Variants in ARL1 observed in about 807,000 individuals in gnomAD.
ARL1 encodes ARF like GTPase 1.
ARL1 carries 17 observed loss-of-function variants against 30.1 expected under a neutral mutation model. That is an observed-to-expected ratio of 0.56 (90% CI 0.39 to 0.85). The LOEUF is 0.85. Among genes scored for constraint, ARL1 ranks in the 40% least tolerant of loss-of-function variants. The probability of loss-of-function intolerance (pLI) is 0.00; values close to 1 mark genes in which losing one functional copy is unlikely to be tolerated. For missense variants in ARL1, 102 were observed against 212.6 expected, an observed-to-expected ratio of 0.48 and a Z score of 3.24; for synonymous variants, 58 against 71.7, an observed-to-expected ratio of 0.81 and a Z score of 0.97.
intron 2 of ARL1, among the ~76,000 whole-genome samples, chr12:101,405,115 C>T (rs1171029309): frequency 6.6e-6 from 1 of 152,194 alleles, no homozygotes; most frequent in Non-Finnish European, 1.5e-5. Flanking sequence ...AGGTGATCCA[C>T]CCGCCTTGGC....
intron 2 of ARL1, 37 bp downstream of exon 2, chr12:101,405,807 A>T: frequency 6.6e-7 from 1 of 1,512,964 alleles, no homozygotes; most frequent in Non-Finnish European, 8.8e-7. Context: ...TGGAGACCAG[A>T]AAGTCCCTAC....
At chr12:101,401,211 G>T in intron 3 of ARL1, 38 bp from the exon 4 acceptor site, 1 of 1,432,240 alleles carries the variant, frequency 7.0e-7, no homozygotes, top group Non-Finnish European at 9.8e-7. Flanking sequence ...TATTGTTATT[G>T]TTTTAAGGAA....
At chr12:101,400,952 A>G in intron 4 of ARL1, 110 bp downstream of exon 4, 1 of 725,306 alleles carries the variant, frequency 1.4e-6, no homozygotes, top group Non-Finnish European at 2.2e-6. Context: ...ATAAAAGAAA[A>G]TAATTTTAAA....
upstream of ARL1, chr12:101,407,809 G>T: frequency 1.0e-6 from 1 of 961,018 alleles, no homozygotes; most frequent in Non-Finnish European, 1.6e-6. Flanking sequence ...CGGGAACGGT[G>T]GCCTGAGCAT....
At chr12:101,402,300 T>C (rs894012660) in intron 3 of ARL1, among the ~76,000 whole-genome samples, 4 of 152,182 alleles carry the variant, frequency 2.6e-5, no homozygotes, top group African/African-American at 9.7e-5. Context: ...GCAATTCTCC[T>C]GCCTCAGCCT....
Position 101,393,467 on chromosome 12 carries a change from T to C in ARL1, c.*2173A>G, listed in dbSNP as rs1346661350. The C allele has an allele frequency of 6.6e-6, 1 of 152,176 alleles. No individual in the cohort carries two copies. The highest frequency in any genetic ancestry group is 1.5e-5 in the Non-Finnish European group (1 of 68,038). The allele number at this position is 152,176 out of a possible 1,614,324, so 9.4% of individuals were successfully genotyped here. ...TTTGCACCTATGTTCTGATTTCAAGTTTGGTGTTTTACCCATTGCCAGGCC... is the reference window on the plus strand; with the variant it reads ...TTTGCACCTATGTTCTGATTTCAAGCTTGGTGTTTTACCCATTGCCAGGCC... On this transcript the variant is annotated 3_prime_UTR_variant, in exon 6 of 6. Transcript: ENST00000261636.
chr12:101,401,179 G>A lies in ARL1; in HGVS notation c.225-6C>T, dbSNP rs764548045. Reference sequence around the variant, plus strand: ...AGTAACATCTCCAGTATGGCCTAGAGAAAATTTAAAAGGGGAGAACATATT... The same window carrying A: ...AGTAACATCTCCAGTATGGCCTAGAAAAAATTTAAAAGGGGAGAACATATT... On this transcript the variant is annotated splice_region_variant and splice_polypyrimidine_tract_variant and intron_variant, in intron 3 of 5. Transcript: ENST00000261636. 4 of 1,592,036 alleles carry A rather than the reference G, an allele frequency of 2.5e-6. No homozygotes were observed. Among genetic ancestry groups the A allele is most frequent in the Admixed American group, 1.7e-5 (1 of 58,892 alleles).
chr12:101,402,862 T>C lies in ARL1; in HGVS notation c.224+3A>G. 2 of 1,605,044 alleles carry C rather than the reference T, an allele frequency of 1.2e-6. No individual in the cohort carries two copies. Among genetic ancestry groups the C allele is most frequent in the Non-Finnish European group, 1.7e-6 (2 of 1,172,376 alleles). ...ACCAAATAACCTGGTCTTTGTACCA[T>C]ACCTGATACTTGTCTGTCCTCCTAA... On this transcript the variant is annotated splice_donor_region_variant and intron_variant, in intron 3 of 5. Coordinates refer to ENST00000261636, the MANE Select transcript of ARL1 (RefSeq NM_001177.6).
Position 101,405,866 on chromosome 12 carries a change from T to C in ARL1, c.120A>G (p.Gly40=), listed in dbSNP as rs1476920308. ...TACTAGGTATAGTAGTAACAACTTC[T>C]CCCACTTGTAATCTGTACAAAATTG... is the stretch of plus-strand genomic sequence containing the variant. ...KTTILYRLQV[G]EVVTTIPTIG... Residue 40 remains glycine (G), a synonymous_variant, in exon 2 of 6, where the codon GGA becomes GGG. Coordinates refer to ENST00000261636, the MANE Select transcript of ARL1 (RefSeq NM_001177.6). The C allele has an allele frequency of 1.3e-6, 2 of 1,564,162 alleles. No homozygotes were observed. Among genetic ancestry groups the C allele is most frequent in the African/African-American group, 2.7e-5 (2 of 74,070 alleles).
At chr12:101,403,090 G>T in intron 2 of ARL1, 144 bp from the exon 3 acceptor site, 1 of 489,382 alleles carries the variant, frequency 2.0e-6, no homozygotes, top group Non-Finnish European at 3.6e-6. Flanking sequence ...TAGGATTCGA[G>T]TTAAAAAGAA....
At position 101,407,650 on chromosome 12, in the gene ARL1, A is replaced by G; in HGVS notation, c.-5T>C. ...CTTCTCGAACCCCTCACCCATGATG[A>G]ACCCCCTGTCCTCCCTCGCCGATCT... On this transcript the variant is annotated 5_prime_UTR_variant, in exon 1 of 6. Coordinates refer to ENST00000261636, the MANE Select transcript of ARL1 (RefSeq NM_001177.6). 6.2e-7 allele frequency: 1 copy of G among 1,612,080 alleles called. No individual in the cohort carries two copies. The highest frequency in any genetic ancestry group is 1.1e-5 in the South Asian group (1 of 91,046).
chr12:101,407,503 G>A (rs747716122), intron 1 of ARL1, 139 bp downstream of exon 1: 28 of 1,112,918 alleles, frequency 2.5e-5, no homozygotes, highest in African/African-American at 4.7e-5. Context: ...GATCCAAAGT[G>A]AGTCAAGTCC....
rs1185739966 is a variant in ARL1 at position 101,393,474 on chromosome 12, T to C, written c.*2166A>G. 2.0e-5 allele frequency: 3 copies of C among 152,224 alleles called. No homozygotes were observed. The highest frequency in any genetic ancestry group is 7.2e-5 in the African/African-American group (3 of 41,446). The allele number at this position is 152,224 out of a possible 1,614,324, so 9.4% of individuals were successfully genotyped here. ...CTATGTTCTGATTTCAAGTTTGGTG[T>C]TTTACCCATTGCCAGGCCTCTCATA... On this transcript the variant is annotated 3_prime_UTR_variant, in exon 6 of 6. Coordinates refer to ENST00000261636, the MANE Select transcript of ARL1 (RefSeq NM_001177.6).
In ARL1 at chr12:101,403,964, A is replaced by T. The variant is rs192072072; in HGVS notation, c.143-1018T>A. 2.2e-3 allele frequency among the ~76,000 whole-genome samples: 334 copies of T among 152,238 alleles called. 1 individual carries two copies. The highest frequency in any genetic ancestry group is 7.5e-3 in the African/African-American group (310 of 41,554). On this transcript the variant is annotated intron_variant, in intron 2 of 5. Transcript: ENST00000261636. ...AATAGAGTGAGACTCTGTCTCAAAA[A>T]AATAAATAAATAAAAAATAACTTCC...
rs1422677968 is a variant in ARL1, at chr12:101,394,689, C to T, written c.*951G>A. 6.6e-6 allele frequency: 1 copy of T among 151,946 alleles called. No homozygotes were observed. The highest frequency in any genetic ancestry group is 1.5e-5 in the Non-Finnish European group (1 of 68,000). 9.4% of individuals were successfully genotyped at this position (151,946 alleles called of 1,614,324 possible). A position where few individuals can be genotyped will look rare whatever the true frequency, so the allele number is the denominator to read the frequency against. ...GTGTTATGAATTCTATCAAATATAACCATTTAGGATTATTTATAGTATGTC... is the reference window on the plus strand; with the variant it reads ...GTGTTATGAATTCTATCAAATATAATCATTTAGGATTATTTATAGTATGTC... On this transcript the variant is annotated 3_prime_UTR_variant, in exon 6 of 6. Transcript: ENST00000261636.
At position 101,393,602 on chromosome 12, in the gene ARL1, ATT is replaced by A. The variant is rs1454058911; in HGVS notation, c.*2036_*2037del. 6.6e-6 allele frequency: 1 copy of A among 152,210 alleles called. No homozygotes were observed. The highest frequency in any genetic ancestry group is 1.9e-4 in the East Asian group (1 of 5,200). 9.4% of individuals were successfully genotyped at this position (152,210 alleles called of 1,614,324 possible). On this transcript the variant is annotated 3_prime_UTR_variant, in exon 6 of 6. Transcript: ENST00000261636. ...ACAAGGACCATATAATTTATAGCTTATTTAAGTGTCCACTTTCTTTATCCCAT... is the reference window on the plus strand; with the variant it reads ...ACAAGGACCATATAATTTATAGCTTATAAGTGTCCACTTTCTTTATCCCAT...
At chr12:101,396,773 T>TTAA (rs1871165476) in intron 4 of ARL1, among the ~76,000 whole-genome samples, 196 bp from the exon 5 acceptor site, 1 of 152,182 alleles carries the variant, frequency 6.6e-6, no homozygotes, top group African/African-American at 2.4e-5. Flanking sequence ...ATGATCACTG[T>TTAA]TAACATTTTA....
Position 101,394,534 on chromosome 12 carries a change from A to G in ARL1, c.*1106T>C, listed in dbSNP as rs1309203936. 6.6e-6 allele frequency: 1 copy of G among 152,190 alleles called. No individual in the cohort carries two copies. The highest frequency in any genetic ancestry group is 1.5e-5 in the Non-Finnish European group (1 of 68,034). 9.4% of individuals were successfully genotyped at this position (152,190 alleles called of 1,614,324 possible). ...AATTTCTCCCTGTACAATCAGTAAG[A>G]TTTTGATTTTTAACAAGTTTACATG... On this transcript the variant is annotated 3_prime_UTR_variant, in exon 6 of 6. Coordinates refer to ENST00000261636, the MANE Select transcript of ARL1 (RefSeq NM_001177.6).
intron 2 of ARL1, among the ~76,000 whole-genome samples, chr12:101,404,118 A>T (rs996071744): frequency 6.6e-6 from 1 of 152,226 alleles, no homozygotes; most frequent in African/African-American, 2.4e-5. Flanking sequence ...TTGAGCAAAA[A>T]ACTAAAATGC....
Sources: allele counts gnomAD v4.1 joint callset (sites outside exome capture counted in the v4.1 genomes callset), GRCh38; gene constraint gnomAD v4.1.1; transcripts MANE v1.5; gene names NCBI Gene and HGNC (gene_info 2026-07-23, HGNC 2026-07-21).